MED27: variants seen among roughly 807,000 people sequenced by gnomAD.
The protein encoded by MED27 is mediator of RNA polymerase II transcription subunit 27.
In MED27, 30 loss-of-function variants were observed where a neutral mutation model predicts 38.2. The observed-to-expected ratio is 0.79, with a 90% confidence interval of 0.59 to 1.07. The LOEUF is 1.07. Ranked by LOEUF, MED27 falls within the 50% of genes least tolerant of loss-of-function variation. MED27 has a pLI of 0.00. For synonymous variants in MED27, 122 were observed against 153.5 expected (o/e 0.79, Z 1.52); for missense variants, 289 against 397.5 (o/e 0.73, Z 2.32).
At chr9:132,021,208 T>A (rs1832710763) in intron 2 of MED27, among the ~76,000 whole-genome samples, 1 of 152,172 alleles carries the variant, frequency 6.6e-6, no homozygotes, top group African/African-American at 2.4e-5. Flanking sequence ...TTAGGGTTGT[T>A]TAGATTGTTC....
intron 2 of MED27, among the ~76,000 whole-genome samples, chr9:132,061,219 AAGTC>A (rs1564345029): frequency 6.6e-6 from 1 of 152,228 alleles, no homozygotes; most frequent in Non-Finnish European, 1.5e-5. Context: ...AATGAAAAGT[AAGTC>A]AGAGCTAAAA....
intron 3 of MED27, among the ~76,000 whole-genome samples, chr9:131,994,101 GA>G (rs1832038155): frequency 6.6e-6 from 1 of 152,164 alleles, no homozygotes; most frequent in South Asian, 2.1e-4. Context: ...TTTAATATCA[GA>G]AGTGTTTTGG....
chr9:132,050,051 A>T (rs1833429423), intron 2 of MED27, among the ~76,000 whole-genome samples: 1 of 152,028 alleles, frequency 6.6e-6, no homozygotes. Context: ...CTTATTACCA[A>T]CTCAACAAAT....
At chr9:132,015,535 CA>C (rs1832582131) in intron 2 of MED27, among the ~76,000 whole-genome samples, 1 of 152,152 alleles carries the variant, frequency 6.6e-6, no homozygotes, top group Non-Finnish European at 1.5e-5. Context: ...TGAGTTTTGA[CA>C]AATGTATATA....
intron 4 of MED27, among the ~76,000 whole-genome samples, chr9:131,902,003 C>T (rs1420235808): frequency 3.9e-5 from 6 of 152,112 alleles, no homozygotes; most frequent in African/African-American, 1.4e-4. Context: ...CCCATGACCC[C>T]ACATCCATGC....
At chr9:131,874,491 G>T (rs950325486) in intron 6 of MED27, among the ~76,000 whole-genome samples, 1 of 152,164 alleles carries the variant, frequency 6.6e-6, no homozygotes, top group Non-Finnish European at 1.5e-5. Flanking sequence ...AGAGAAAGTG[G>T]ACAGGAGTGT....
intron 2 of MED27, among the ~76,000 whole-genome samples, chr9:132,044,245 C>A (rs186925779): frequency 6.6e-6 from 1 of 152,268 alleles, no homozygotes; most frequent in African/African-American, 2.4e-5. Flanking sequence ...ACCTAACTCT[C>A]TAGACTGTTT....
chr9:132,059,782 A>C (rs940226310), intron 2 of MED27, among the ~76,000 whole-genome samples: 2 of 152,216 alleles, frequency 1.3e-5, no homozygotes, highest in Non-Finnish European at 2.9e-5. Context: ...ACTTCCCTCA[A>C]CTTCCTCGCT....
intron 3 of MED27, among the ~76,000 whole-genome samples, chr9:131,952,042 C>G (rs1831008668): frequency 6.6e-6 from 1 of 152,208 alleles, no homozygotes; most frequent in Non-Finnish European, 1.5e-5. Context: ...GCTTCTAGAA[C>G]AGGGACTATG....
At chr9:131,922,606 A>G (rs1305329583) in intron 4 of MED27, among the ~76,000 whole-genome samples, 1 of 151,186 alleles carries the variant, frequency 6.6e-6, no homozygotes, top group African/African-American at 2.4e-5. Context: ...ACACCCAGCT[A>G]ATTTTTGTAT....
At chr9:131,897,162 C>G (rs1229346375) in intron 4 of MED27, among the ~76,000 whole-genome samples, 1 of 152,260 alleles carries the variant, frequency 6.6e-6, no homozygotes, top group East Asian at 1.9e-4. Flanking sequence ...ATTTCTTTAA[C>G]CATTCTCCTA....
At chr9:132,037,678 G>A (rs552157050) in intron 2 of MED27, among the ~76,000 whole-genome samples, 2 of 152,242 alleles carry the variant, frequency 1.3e-5, no homozygotes, top group South Asian at 4.1e-4. Flanking sequence ...ACAGAAAACC[G>A]GAGCTACCCT....
At chr9:132,053,664 T>G (rs1167852265) in intron 2 of MED27, among the ~76,000 whole-genome samples, 1 of 152,150 alleles carries the variant, frequency 6.6e-6, no homozygotes, top group East Asian at 1.9e-4. Context: ...GGAACCAGGC[T>G]GCCTGCGTCC....
chr9:131,916,720 T>C (rs1830295644), intron 4 of MED27, among the ~76,000 whole-genome samples: 1 of 152,122 alleles, frequency 6.6e-6, no homozygotes, highest in South Asian at 2.1e-4. Context: ...CAGATGTTAA[T>C]AGGGCACTGG....
Position 131,923,683 on chromosome 9 carries a change from C to T in MED27, c.573+15698G>A, listed in dbSNP as rs190509511. Among the ~76,000 whole-genome samples, 6 of 152,230 alleles carry T rather than the reference C, an allele frequency of 3.9e-5. No individual in the cohort carries two copies. The East Asian group carries it at 1.2e-3, about 29-fold the overall frequency. On this transcript the variant is annotated intron_variant, in intron 4 of 7. Transcript: ENST00000292035. ...ATAAGAAGGTATGCTCAGAGTCAGG[C>T]CTCCCCAACACACACCTGCTTTCCT...
At chr9:132,040,054 C>T (rs934642049) in intron 2 of MED27, among the ~76,000 whole-genome samples, 15 of 152,268 alleles carry the variant, frequency 9.9e-5, no homozygotes, top group Admixed American at 2.0e-4. Flanking sequence ...ATACACTTTA[C>T]GATATGATAA....
intron 3 of MED27, among the ~76,000 whole-genome samples, chr9:131,967,381 A>C (rs1831371576): frequency 6.6e-6 from 1 of 152,248 alleles, no homozygotes; most frequent in Non-Finnish European, 1.5e-5. Context: ...ATAATTTTAA[A>C]ATTAAACTGA....
In MED27 at chr9:131,869,771, G is replaced by A. The variant is rs187668022; in HGVS notation, c.724-6631C>T. 1.2e-3 allele frequency among the ~76,000 whole-genome samples: 186 copies of A among 152,286 alleles called. 1 individual carries two copies. Among genetic ancestry groups the A allele is most frequent in the African/African-American group, 4.2e-3 (175 of 41,562 alleles). The stretch of plus-strand genomic sequence containing the variant: ...GCAGGGAGGGGTTTCACTGGGAGGC[G>A]CCTGGTTCACCCCAAGGCAGAGAAG... On this transcript the variant is annotated intron_variant, in intron 6 of 7. Transcript: ENST00000292035.
At position 131,963,962 on chromosome 9, in the gene MED27, C is replaced by G. The variant is rs145858698; in HGVS notation, c.480-24488G>C. 2.6e-5 allele frequency among the ~76,000 whole-genome samples: 4 copies of G among 151,998 alleles called. No homozygotes were observed. In the East Asian group the frequency reaches 7.8e-4, roughly 29 times the overall value. The stretch of plus-strand genomic sequence containing the variant: ...TTCTTGACTGCGTTCCAATTTATTA[C>G]GGGGGTTAAAAAATGAATAGTGAAT... On this transcript the variant is annotated intron_variant, in intron 3 of 7. Coordinates refer to ENST00000292035, the MANE Select transcript of MED27 (RefSeq NM_004269.4).
Sources: gnomAD v4.1 joint callset for allele counts (sites outside exome capture counted in the v4.1 genomes callset) on GRCh38, gnomAD v4.1.1 for gene constraint, MANE v1.5 for transcripts, NCBI Gene and HGNC (gene_info 2026-07-23, HGNC 2026-07-21) for gene names.